The following THSD7A variants were observed in gnomAD, a reference collection of about 807,000 sequenced individuals.
THSD7A encodes the protein thrombospondin type 1 domain containing 7A.
Under a neutral mutation model 231.3 loss-of-function variants are expected in THSD7A, and 96 were observed. That is an observed-to-expected ratio of 0.41 (90% CI 0.35 to 0.49). The LOEUF is 0.49. THSD7A is among the 20% of genes least tolerant of loss of function. THSD7A has a pLI of 0.05. For synonymous variants in THSD7A, 940 were observed against 743.3 expected, an observed-to-expected ratio of 1.26 and a Z score of -4.30; for missense variants, 2,290 against 2,070.2, an observed-to-expected ratio of 1.11 and a Z score of -2.06.
chr7:11,376,342 G>A (rs1782271648), intron 27 of THSD7A, among the ~76,000 whole-genome samples: 1 of 152,086 alleles, frequency 6.6e-6, no homozygotes, highest in Non-Finnish European at 1.5e-5. Context: ...TTGAAAGTAT[G>A]CAAGAGAACA....
intron 1 of THSD7A, among the ~76,000 whole-genome samples, chr7:11,720,365 T>C (rs921307180): frequency 6.6e-6 from 1 of 151,806 alleles, no homozygotes; most frequent in African/African-American, 2.4e-5. Flanking sequence ...ACATTCCATA[T>C]GGGAATGAAC....
chr7:11,691,718 C>G (rs762355020), intron 1 of THSD7A, among the ~76,000 whole-genome samples: 12 of 151,052 alleles, frequency 7.9e-5, no homozygotes, highest in Non-Finnish European at 1.6e-4. Flanking sequence ...TATGTTTATT[C>G]AGTCATATTA....
chr7:11,512,963 A>ATATATATATAT (rs1185122230), intron 6 of THSD7A, among the ~76,000 whole-genome samples: 46 of 141,346 alleles, frequency 3.3e-4, no homozygotes, highest in Admixed American at 4.1e-4. Context: ...ATATATATGT[A>ATATATATATAT]AAATACTACT....
intron 13 of THSD7A, among the ~76,000 whole-genome samples, chr7:11,439,498 G>T (rs1408642725): frequency 3.3e-5 from 5 of 151,870 alleles, no homozygotes; most frequent in African/African-American, 1.2e-4. Context: ...TGTTACTATT[G>T]TAATTGTTTG....
At chr7:11,691,096 A>G (rs1414818556) in intron 1 of THSD7A, among the ~76,000 whole-genome samples, 2 of 151,688 alleles carry the variant, frequency 1.3e-5, no homozygotes, top group East Asian at 2.0e-4. Context: ...CCTTTAAAAC[A>G]TGGTCTTAAG....
intron 1 of THSD7A, among the ~76,000 whole-genome samples, chr7:11,827,073 G>T (rs558228849): frequency 1.3e-5 from 2 of 152,118 alleles, no homozygotes; most frequent in East Asian, 3.9e-4. Context: ...GTGTAGTCAT[G>T]GTTGACTGTA....
At chr7:11,544,100 T>C (rs148366476) in intron 4 of THSD7A, among the ~76,000 whole-genome samples, 39,612 of 151,936 alleles carry the variant, frequency 0.26, 5,250 homozygotes, top group Middle Eastern at 0.4. Context: ...TCCCAGCATT[T>C]TGGGAGGACG....
In THSD7A at chr7:11,372,869, T is replaced by C. The variant is rs1782110677; in HGVS notation, c.*2925A>G. 6.6e-6 allele frequency: 1 copy of C among 152,064 alleles called. No homozygotes were observed. 9.4% of individuals were successfully genotyped at this position (152,064 alleles called of 1,614,324 possible). On this transcript the variant is annotated 3_prime_UTR_variant, in exon 28 of 28. Transcript: ENST00000423059. ...CATGTCAGAAACAAAAATAAGGCCATTTTCATGTTATAAACATGAATATAA... is the reference window on the plus strand; with the variant it reads ...CATGTCAGAAACAAAAATAAGGCCACTTTCATGTTATAAACATGAATATAA...
At chr7:11,586,970 T>C (rs1301516105) in intron 4 of THSD7A, among the ~76,000 whole-genome samples, 1 of 152,164 alleles carries the variant, frequency 6.6e-6, no homozygotes, top group Non-Finnish European at 1.5e-5. Context: ...ATATGTTTTC[T>C]ACAGAGAAAT....
rs536268677 is a variant in THSD7A, at chr7:11,457,255, C to A, written c.2605+3407G>T. ...TACCTGAATATTTCCACTTGGCTAA[C>A]CCTGCCATGGCCTCAAATATAAACT... On this transcript the variant is annotated intron_variant, in intron 11 of 27. Transcript: ENST00000423059. Among the ~76,000 whole-genome samples the A allele has an allele frequency of 5.9e-5, 9 of 152,108 alleles. No homozygotes were observed. The South Asian group carries it at 1.9e-3, about 32-fold the overall frequency.
chr7:11,765,857 T>G (rs886175962), intron 1 of THSD7A, among the ~76,000 whole-genome samples: 1 of 152,074 alleles, frequency 6.6e-6, no homozygotes, highest in Admixed American at 6.6e-5. Context: ...TAAAAATAGG[T>G]CAGAACCTGA....
chr7:11,398,764 C>A (rs1032675368), intron 23 of THSD7A, among the ~76,000 whole-genome samples: 1 of 152,126 alleles, frequency 6.6e-6, no homozygotes, highest in Non-Finnish European at 1.5e-5. Context: ...ACCATCTACA[C>A]ACCAGAGAGG....
intron 4 of THSD7A, among the ~76,000 whole-genome samples, chr7:11,548,685 GGGACAAAA>G (rs1789498730): frequency 6.6e-6 from 1 of 151,984 alleles, no homozygotes; most frequent in African/African-American, 2.4e-5. Context: ...CTTTATTCCT[GGGACAAAA>G]GGTTGGTTCA....
At chr7:11,710,726 A>T (rs1239453511) in intron 1 of THSD7A, among the ~76,000 whole-genome samples, 2 of 150,880 alleles carry the variant, frequency 1.3e-5, no homozygotes, top group Admixed American at 6.6e-5. Flanking sequence ...AACCAAAAAA[A>T]TTTTTGAATT....
chr7:11,419,628 C>G (rs775750418), intron 16 of THSD7A, among the ~76,000 whole-genome samples: 5 of 152,078 alleles, frequency 3.3e-5, no homozygotes, highest in Non-Finnish European at 7.4e-5. Flanking sequence ...ATAAAGTTAC[C>G]TGAAAAAGTG....
At chr7:11,507,970 G>C (rs12667422) in intron 6 of THSD7A, among the ~76,000 whole-genome samples, 9 of 152,176 alleles carry the variant, frequency 5.9e-5, no homozygotes, top group Non-Finnish European at 1.0e-4. Flanking sequence ...GGAGGCCTCA[G>C]GAAACTTAAA....
In THSD7A at chr7:11,444,236, G is replaced by T. The variant is rs1320513982; in HGVS notation, c.3064+1825C>A. On this transcript the variant is annotated intron_variant, in intron 13 of 27. Coordinates refer to ENST00000423059, the MANE Select transcript of THSD7A (RefSeq NM_015204.3). The surrounding 1 kb of genome is among the most constrained non-coding windows in gnomAD (Gnocchi z 4.2). Reference sequence around the variant, plus strand: ...ATTAGTTCAACCATTGTGGAAGACAGTGTGGCGATTCCTCAAGGATCTAGA... The same window carrying T: ...ATTAGTTCAACCATTGTGGAAGACATTGTGGCGATTCCTCAAGGATCTAGA... Among the ~76,000 whole-genome samples the T allele has an allele frequency of 6.6e-6, 1 of 152,106 alleles. No individual in the cohort carries two copies. The highest frequency in any genetic ancestry group is 2.4e-5 in the African/African-American group (1 of 41,434).
At chr7:11,733,516 T>C (rs1781806814) in intron 1 of THSD7A, among the ~76,000 whole-genome samples, 2 of 151,816 alleles carry the variant, frequency 1.3e-5, no homozygotes, top group Non-Finnish European at 2.9e-5. Flanking sequence ...CATTTAGGTG[T>C]TTTGAGGTAG....
intron 4 of THSD7A, among the ~76,000 whole-genome samples, chr7:11,557,024 C>T (rs527774371): frequency 1.3e-5 from 2 of 152,066 alleles, no homozygotes; most frequent in Admixed American, 6.6e-5. Context: ...AGTGTTCAGC[C>T]ATTATTTCTC....
Sources: gnomAD v4.1 joint callset for allele counts (sites outside exome capture counted in the v4.1 genomes callset) on GRCh38, gnomAD v4.1.1 for gene constraint, Gnocchi (gnomAD v3.1) non-coding constraint, MANE v1.5 for transcripts, NCBI Gene and HGNC (gene_info 2026-07-23, HGNC 2026-07-21) for gene names.